CCDC73: variants seen among roughly 807,000 people sequenced by gnomAD.
The protein encoded by CCDC73 is coiled-coil domain-containing protein 73.
CCDC73 carries 95 observed loss-of-function variants against 116.5 expected under a neutral mutation model. The ratio of observed to expected loss-of-function variants is 0.82; its 90% CI spans 0.69 to 0.97. The LOEUF (loss-of-function observed/expected upper bound fraction) is 0.97. Ranked by LOEUF, CCDC73 falls within the 50% of genes least tolerant of loss-of-function variation. CCDC73 has a pLI of 0.00. For synonymous variants in CCDC73, 398 were observed against 401.3 expected (o/e 0.99, Z 0.10); for missense variants, 1,066 against 1,206.8 (o/e 0.88, Z 1.73).
intron 14 of CCDC73, among the ~76,000 whole-genome samples, chr11:32,616,798 C>G (rs1337435564): frequency 6.6e-6 from 1 of 152,144 alleles, no homozygotes; most frequent in Non-Finnish European, 1.5e-5. Flanking sequence ...AAAAAACTTA[C>G]AGTCTGGTAT....
chr11:32,666,944 G>A (rs547844724), intron 9 of CCDC73, among the ~76,000 whole-genome samples: 2 of 152,276 alleles, frequency 1.3e-5, no homozygotes, highest in South Asian at 4.1e-4. Context: ...TGTTTGCCTG[G>A]CTATCACCAG....
At chr11:32,708,862 G>A (rs1221560438) in intron 3 of CCDC73, among the ~76,000 whole-genome samples, 3 of 152,106 alleles carry the variant, frequency 2.0e-5, no homozygotes, top group South Asian at 4.2e-4. Flanking sequence ...CACAAACAGC[G>A]ACAGTTTGAC....
chr11:32,758,889 T>G (rs576467913), intron 2 of CCDC73, among the ~76,000 whole-genome samples: 3 of 152,160 alleles, frequency 2.0e-5, no homozygotes, highest in Non-Finnish European at 4.4e-5. Flanking sequence ...TAGCAGAATT[T>G]CATCTTAAAA....
chr11:32,698,117 C>T (rs1849773577), intron 6 of CCDC73, among the ~76,000 whole-genome samples: 1 of 149,100 alleles, frequency 6.7e-6, no homozygotes, highest in South Asian at 2.2e-4. Flanking sequence ...CTGCGCCTCC[C>T]GGGTTCACGC....
At chr11:32,699,551 T>C (rs567433329) in intron 5 of CCDC73, among the ~76,000 whole-genome samples, 1 of 151,996 alleles carries the variant, frequency 6.6e-6, no homozygotes, top group South Asian at 2.1e-4. Flanking sequence ...TATGCAGCCA[T>C]AAAAAAAGGA....
chr11:32,826,660 C>CAA, the CCDC73 span, among the ~76,000 whole-genome samples: 1 of 133,264 alleles, frequency 7.5e-6, no homozygotes. Context: ...AAAAAAAAAA[C>CAA]AAAAAAAAAA....
At chr11:32,710,764 T>C (rs532003296) in intron 3 of CCDC73, among the ~76,000 whole-genome samples, 1 of 152,304 alleles carries the variant, frequency 6.6e-6, no homozygotes, top group South Asian at 2.1e-4. Context: ...GGATGATCTG[T>C]CTAGCACTGT....
rs566922561 is a variant in CCDC73 at position 32,778,067 on chromosome 11, G to A, written c.-16+16546C>T. 3.9e-5 allele frequency among the ~76,000 whole-genome samples: 6 copies of A among 152,208 alleles called. No homozygotes were observed. The South Asian group carries it at 6.2e-4, about 16-fold the overall frequency. ...TGTTAAGAGCAGAAAACCATATTAC[G>A]TATCTGCTTAATAATAAAAACATGT... On this transcript the variant is annotated intron_variant, in intron 1 of 17. Coordinates refer to ENST00000335185, the MANE Select transcript of CCDC73 (RefSeq NM_001008391.4).
At chr11:32,714,901 T>G (rs1849931426) in intron 3 of CCDC73, among the ~76,000 whole-genome samples, 1 of 152,166 alleles carries the variant, frequency 6.6e-6, no homozygotes, top group Non-Finnish European at 1.5e-5. Context: ...CATAACATTT[T>G]ATAGGAACAT....
At chr11:32,656,264 A>G (rs549416824) in intron 9 of CCDC73, among the ~76,000 whole-genome samples, 122 of 151,860 alleles carry the variant, frequency 8.0e-4, no homozygotes, top group Admixed American at 2.1e-3. Context: ...TATTTTTAGT[A>G]GAGACGGGGT....
At chr11:32,651,729 C>A (rs772717876) in intron 12 of CCDC73, among the ~76,000 whole-genome samples, 4 of 152,212 alleles carry the variant, frequency 2.6e-5, no homozygotes, top group Non-Finnish European at 4.4e-5. Flanking sequence ...GAGTGTGGGT[C>A]CCTATGATGC....
chr11:32,827,303 T>C, the CCDC73 span, among the ~76,000 whole-genome samples: 2 of 152,228 alleles, frequency 1.3e-5, no homozygotes, highest in African/African-American at 4.8e-5. Flanking sequence ...CCTCAAAATA[T>C]CTTGCAGCTC....
chr11:32,797,148 T>A (rs1850733605), upstream of CCDC73, among the ~76,000 whole-genome samples: 1 of 152,152 alleles, frequency 6.6e-6, no homozygotes, highest in Non-Finnish European at 1.5e-5. Context: ...TATCAGCAGT[T>A]AGAAACTGCA....
At chr11:32,826,217 A>T in the CCDC73 span, among the ~76,000 whole-genome samples, 937 of 152,362 alleles carry the variant, frequency 6.1e-3, 12 homozygotes, top group African/African-American at 0.021. Context: ...GAACAGTAGG[A>T]GTCTTTCATT....
chr11:32,797,550 A>T (rs575692264), upstream of CCDC73, among the ~76,000 whole-genome samples: 1 of 152,314 alleles, frequency 6.6e-6, no homozygotes, highest in African/African-American at 2.4e-5. Context: ...AGTAGAACTA[A>T]TCATTCCCTG....
chr11:32,669,364 G>C, intron 9 of CCDC73, among the ~76,000 whole-genome samples: 1 of 151,640 alleles, frequency 6.6e-6, no homozygotes. Flanking sequence ...TATATTTATG[G>C]GGTATATTAA....
chr11:32,653,626 G>C (rs1158037685), intron 11 of CCDC73, among the ~76,000 whole-genome samples: 1 of 152,068 alleles, frequency 6.6e-6, no homozygotes, highest in East Asian at 1.9e-4. Flanking sequence ...AAAAGCAGAA[G>C]AGAAAACAGA....
chr11:32,650,419 T>C (rs1855816430), intron 12 of CCDC73, among the ~76,000 whole-genome samples: 3 of 152,216 alleles, frequency 2.0e-5, no homozygotes, highest in Non-Finnish European at 2.9e-5. Flanking sequence ...TAAAAATCTA[T>C]GTTTCAGCTC....
At chr11:32,676,094 A>G in intron 7 of CCDC73, 73 bp from the exon 8 acceptor site, 3 of 1,276,836 alleles carry the variant, frequency 2.3e-6, no homozygotes, top group Non-Finnish European at 2.1e-6. Flanking sequence ...AATATGTAAA[A>G]TATATTGTGG....
Sources: allele counts gnomAD v4.1 joint callset (sites outside exome capture counted in the v4.1 genomes callset), GRCh38; gene constraint gnomAD v4.1.1; transcripts MANE v1.5; gene names NCBI Gene and HGNC (gene_info 2026-07-23, HGNC 2026-07-21).